Variants in ZC3H6 observed in about 807,000 individuals in gnomAD.
The protein encoded by ZC3H6 is zinc finger CCCH domain-containing protein 6.
ZC3H6 carries 40 observed loss-of-function variants against 107.7 expected under a neutral mutation model. The ratio of observed to expected loss-of-function variants is 0.37; its 90% confidence interval spans 0.29 to 0.48. The LOEUF is 0.48. Ranked by LOEUF, ZC3H6 falls within the 20% of genes least tolerant of loss-of-function variation. The probability of loss-of-function intolerance (pLI) is 0.98; values close to 1 mark genes in which losing one functional copy is unlikely to be tolerated. For synonymous variants in ZC3H6, 493 were observed against 487.9 expected, an observed-to-expected ratio of 1.01 and a Z score of -0.14; for missense variants, 1,267 against 1,410.4, an observed-to-expected ratio of 0.90 and a Z score of 1.63.
In ZC3H6 at chr2:112,321,884, C is replaced by T. The variant is rs776531477; in HGVS notation, c.1086+19C>T. On this transcript the variant is annotated intron_variant, in intron 8 of 11. Transcript: ENST00000409871. ...GGACAAAGTGAGTAATATTTTTGTA[C>T]CTTGATTATGTCTCTCCACAAATAC... 1.7e-6 allele frequency: 2 copies of T among 1,186,168 alleles called. No individual in the cohort carries two copies. Among genetic ancestry groups the T allele is most frequent in the Non-Finnish European group, 2.4e-6 (2 of 847,870 alleles). 73.5% of individuals were successfully genotyped at this position (1,186,168 alleles called of 1,614,324 possible). A position where few individuals can be genotyped will look rare whatever the true frequency, so the allele number is the denominator to read the frequency against.
In ZC3H6 at chr2:112,321,859, G is replaced by T; in HGVS notation, c.1080G>T (p.Leu360Phe). ...TAACTAAAGAAACAAAGAAACTTTT[G>T]GACAAAGTGAGTAATATTTTTGTAC... is the stretch of plus-strand genomic sequence containing the variant. Reference protein sequence around the residue: ...DDLTKETKKLLDKVLNTDEEL... With the variant: ...DDLTKETKKLFDKVLNTDEEL... Residue 360 changes from leucine (L) to phenylalanine (F), a missense_variant, in exon 8 of 12, where the codon TTG (leucine) becomes TTT (phenylalanine). By Grantham distance (22) the Leu-to-Phe change is conservative. Around this residue, in one of 3 missense-constraint regions of ZC3H6, gnomAD observed 925 missense variants for 1,025.7 expected, o/e 0.90. Transcript: ENST00000409871. 6.8e-7 allele frequency: 1 copy of T among 1,471,788 alleles called. No homozygotes were observed. The highest frequency in any genetic ancestry group is 9.1e-7 in the Non-Finnish European group (1 of 1,096,316). The allele number at this position is 1,471,788 out of a possible 1,614,324, so 91.2% of individuals were successfully genotyped here. A position where few individuals can be genotyped will look rare whatever the true frequency, so the allele number is the denominator to read the frequency against.
rs1330876300 is a variant in ZC3H6, at chr2:112,331,151, C to G, written c.2233C>G (p.Leu745Val). Reference sequence around the variant, plus strand: ...ACTCAGCACTCCTACTGATCCAAGACTTGCTAAAGAGAAAAGTAAAGGAAA... The same window carrying G: ...ACTCAGCACTCCTACTGATCCAAGAGTTGCTAAAGAGAAAAGTAAAGGAAA... ...TELSTPTDPR[L>V]AKEKSKGNQV... Residue 745 changes from leucine (L) to valine (V), a missense_variant, in exon 12 of 12, where the codon CTT (leucine) becomes GTT (valine). Physicochemically the swap from Leu to Val is conservative, Grantham distance 32. This residue lies in a region of ZC3H6 where 925 missense variants were observed against 1,025.7 expected (regional missense o/e 0.90). Transcript: ENST00000409871. 2.5e-6 allele frequency: 4 copies of G among 1,613,720 alleles called. No homozygotes were observed. In the East Asian group the frequency reaches 8.9e-5, roughly 36 times the overall value.
Position 112,275,623 on chromosome 2 carries a change from G to A in ZC3H6, c.-372G>A, listed in dbSNP as rs1028135194. On this transcript the variant is annotated 5_prime_UTR_variant, in exon 1 of 12. Transcript: ENST00000409871. ...CCATTTTCTCGAGCCGCCTGTTTCG[G>A]GTGCCGCCATGTTGGTGAGGAGAAA... is the stretch of plus-strand genomic sequence containing the variant. The A allele has an allele frequency of 2.5e-6, 1 of 401,072 alleles. No individual in the cohort carries two copies. The highest frequency in any genetic ancestry group is 4.4e-6 in the Non-Finnish European group (1 of 226,810). 24.8% of individuals were successfully genotyped at this position (401,072 alleles called of 1,614,324 possible). A position where few individuals can be genotyped will look rare whatever the true frequency, so the allele number is the denominator to read the frequency against.
intron 1 of ZC3H6, among the ~76,000 whole-genome samples, chr2:112,284,030 G>T (rs1686567796): frequency 6.6e-6 from 1 of 152,194 alleles, no homozygotes; most frequent in South Asian, 2.1e-4. Context: ...TTGTGTACAG[G>T]TTTCAGCCTG....
Position 112,301,996 on chromosome 2 carries a change from T to G in ZC3H6, c.214-1233T>G, listed in dbSNP as rs552110386. Reference sequence around the variant, plus strand: ...AAAAGCAAGATGAAATGGAAAATTTTCTAGAAAAGTACTACCTAACAAAAT... The same window carrying G: ...AAAAGCAAGATGAAATGGAAAATTTGCTAGAAAAGTACTACCTAACAAAAT... On this transcript the variant is annotated intron_variant, in intron 2 of 11. Coordinates refer to ENST00000409871, the MANE Select transcript of ZC3H6 (RefSeq NM_198581.3). Among the ~76,000 whole-genome samples the G allele has an allele frequency of 1.8e-4, 27 of 152,106 alleles. No homozygotes were observed. The East Asian group carries it at 4.8e-3, about 27-fold the overall frequency.
intron 1 of ZC3H6, among the ~76,000 whole-genome samples, chr2:112,282,596 A>T (rs1368476361): frequency 1.3e-5 from 2 of 152,186 alleles, no homozygotes; most frequent in Admixed American, 1.3e-4. Flanking sequence ...GTGGGAACTC[A>T]AAGTAACCTG....
chr2:112,290,317 C>A (rs1403931880), intron 1 of ZC3H6, among the ~76,000 whole-genome samples: 1 of 152,242 alleles, frequency 6.6e-6, no homozygotes. Context: ...TTTTGCTCAT[C>A]CTATTCCTTT....
chr2:112,298,473 T>G (rs1676285706), intron 1 of ZC3H6, among the ~76,000 whole-genome samples: 1 of 152,240 alleles, frequency 6.6e-6, no homozygotes, highest in Non-Finnish European at 1.5e-5. Flanking sequence ...ATGATCTAAA[T>G]TGGTGCAGCC....
chr2:112,298,942 T>C (rs1466231356), intron 1 of ZC3H6, among the ~76,000 whole-genome samples: 1 of 152,158 alleles, frequency 6.6e-6, no homozygotes, highest in East Asian at 1.9e-4. Context: ...GCCTGTATTA[T>C]CTATTGAAAG....
chr2:112,304,677 G>C (rs545937863), intron 3 of ZC3H6, among the ~76,000 whole-genome samples: 1 of 152,178 alleles, frequency 6.6e-6, no homozygotes, highest in Non-Finnish European at 1.5e-5. Flanking sequence ...TGCTAGGCAA[G>C]TTATGATGCT....
At chr2:112,303,422 G>A (rs569734242) in intron 3 of ZC3H6, 71 bp downstream of exon 3, 120 of 1,112,682 alleles carry the variant, frequency 1.1e-4, no homozygotes, top group Non-Finnish European at 1.4e-4. Context: ...CCTTTTAACT[G>A]TACAATTCAG....
chr2:112,290,527 G>A (rs1407726494), intron 1 of ZC3H6, among the ~76,000 whole-genome samples: 2 of 152,222 alleles, frequency 1.3e-5, no homozygotes, highest in African/African-American at 4.8e-5. Context: ...TTTGATTGGT[G>A]TCTGTGCTGT....
At chr2:112,298,097 G>T (rs1676276185) in intron 1 of ZC3H6, among the ~76,000 whole-genome samples, 1 of 152,216 alleles carries the variant, frequency 6.6e-6, no homozygotes, top group Admixed American at 6.5e-5. Flanking sequence ...CTGGGTGACA[G>T]AGTGAGACCC....
intron 7 of ZC3H6, among the ~76,000 whole-genome samples, chr2:112,319,520 C>T (rs993372626): frequency 6.6e-6 from 1 of 152,074 alleles, no homozygotes; most frequent in Non-Finnish European, 1.5e-5. Context: ...GTAGCGTGCA[C>T]CTGTAATCCC....
chr2:112,319,995 C>T (rs1020628801), intron 7 of ZC3H6, among the ~76,000 whole-genome samples: 11 of 152,216 alleles, frequency 7.2e-5, no homozygotes, highest in South Asian at 2.1e-4. Flanking sequence ...TCCAATGGCG[C>T]GTTCTCCGCT....
At chr2:112,300,574 T>C (rs911769307) in intron 2 of ZC3H6, among the ~76,000 whole-genome samples, 3 of 152,184 alleles carry the variant, frequency 2.0e-5, no homozygotes, top group African/African-American at 7.2e-5. Flanking sequence ...TACATGGATA[T>C]TGGAAGATTA....
chr2:112,326,995 T>C (rs1478838007), intron 11 of ZC3H6, among the ~76,000 whole-genome samples: 1 of 152,218 alleles, frequency 6.6e-6, no homozygotes, highest in Non-Finnish European at 1.5e-5. Context: ...AGTACAGATA[T>C]CTCTTTGATA....
chr2:112,324,066 C>T, intron 9 of ZC3H6, 86 bp from the exon 10 acceptor site: 1 of 1,412,462 alleles, frequency 7.1e-7, no homozygotes, highest in Non-Finnish European at 9.5e-7. Context: ...AAAAAAAGTA[C>T]TTAACCAATA....
At position 112,295,680 on chromosome 2, in the gene ZC3H6, T is replaced by C. The variant is rs1032661136; in HGVS notation, c.33-4169T>C. 3.9e-5 allele frequency among the ~76,000 whole-genome samples: 6 copies of C among 152,196 alleles called. No individual in the cohort carries two copies. In the East Asian group the frequency reaches 1.2e-3, roughly 29 times the overall value. ...TCTATTTCCTCTTTCTCTCGCATTT[T>C]TTGTAGCCATACAAAAATATACAAG... On this transcript the variant is annotated intron_variant, in intron 1 of 11. Coordinates refer to ENST00000409871, the MANE Select transcript of ZC3H6 (RefSeq NM_198581.3).
Sources: allele counts gnomAD v4.1 joint callset (sites outside exome capture counted in the v4.1 genomes callset), GRCh38; gene constraint gnomAD v4.1.1; regional missense constraint gnomAD v4.1.1; transcripts MANE v1.5; gene names NCBI Gene and HGNC (gene_info 2026-07-23, HGNC 2026-07-21).